Variants in CPA6 observed in about 807,000 individuals in gnomAD.
CPA6 encodes the protein carboxypeptidase B.
Under a neutral mutation model 63.3 loss-of-function variants are expected in CPA6, and 58 were observed. That is an observed-to-expected ratio of 0.92 (90% confidence interval 0.74 to 1.14). CPA6 has a LOEUF of 1.14. Among genes scored for constraint, CPA6 ranks in the 50% most tolerant of loss-of-function variants. The pLI is 0.00. For synonymous variants in CPA6, 185 were observed against 179.0 expected (o/e 1.03, Z -0.27); for missense variants, 565 against 526.6 (o/e 1.07, Z -0.71).
chr8:67,422,760 T>C (rs1176418340), intron 10 of CPA6, 69 bp from the exon 11 acceptor site: 8 of 1,123,028 alleles, frequency 7.1e-6, no homozygotes, highest in Admixed American at 2.5e-5. Context: ...TAAATGTATA[T>C]ACTATAAAGT....
chr8:67,604,010 G>A (rs1046500417), intron 2 of CPA6, among the ~76,000 whole-genome samples: 3 of 152,214 alleles, frequency 2.0e-5, no homozygotes, highest in Non-Finnish European at 2.9e-5. Context: ...TGATTGGAAA[G>A]GGTGAAATGA....
chr8:67,451,356 G>A (rs1426931873), intron 8 of CPA6, among the ~76,000 whole-genome samples: 2 of 152,166 alleles, frequency 1.3e-5, no homozygotes, highest in African/African-American at 2.4e-5. Flanking sequence ...TGTGAACTGC[G>A]CATGCAGGGG....
rs376110026 is a variant in CPA6, at chr8:67,606,924, AATTTT to A, written c.192+17247_192+17251del. 2.5e-3 allele frequency among the ~76,000 whole-genome samples: 385 copies of A among 152,186 alleles called. 1 individual carries two copies. Among genetic ancestry groups the A allele is most frequent in the African/African-American group, 8.5e-3 (352 of 41,512 alleles). On this transcript the variant is annotated intron_variant, in intron 2 of 10. Coordinates refer to ENST00000297770, the MANE Select transcript of CPA6 (RefSeq NM_020361.5). ...AGTTGTATAATGCTCTATCTTGCAA[AATTTT>A]ATTTTATTTTATATTTTGGTCAGGT...
At chr8:67,606,714 C>A (rs2128984196) in intron 2 of CPA6, among the ~76,000 whole-genome samples, 1 of 152,290 alleles carries the variant, frequency 6.6e-6, no homozygotes, top group East Asian at 1.9e-4. Flanking sequence ...CTTGGTTGGA[C>A]CCAGCATCTG....
chr8:67,510,144 A>C (rs1812013581), intron 4 of CPA6, among the ~76,000 whole-genome samples: 1 of 152,180 alleles, frequency 6.6e-6, no homozygotes, highest in African/African-American at 2.4e-5. Context: ...GCAAACTCTG[A>C]ATAATTTCTC....
intron 1 of CPA6, among the ~76,000 whole-genome samples, chr8:67,667,993 C>T (rs912293499): frequency 1.3e-5 from 2 of 152,162 alleles, no homozygotes; most frequent in South Asian, 2.1e-4. Flanking sequence ...ACAGGAGGCT[C>T]GTCAATATTT....
At chr8:67,589,534 A>G (rs1398102178) in intron 2 of CPA6, among the ~76,000 whole-genome samples, 1 of 152,196 alleles carries the variant, frequency 6.6e-6, no homozygotes. Context: ...GACCACTTCT[A>G]AACTTCAAAT....
At chr8:67,456,393 A>G (rs1348615449) in intron 8 of CPA6, among the ~76,000 whole-genome samples, 3 of 152,192 alleles carry the variant, frequency 2.0e-5, no homozygotes, top group Non-Finnish European at 4.4e-5. Flanking sequence ...TGAGTCCAAC[A>G]ATTTGCAAAG....
At chr8:67,506,023 C>T (rs140922247) in intron 6 of CPA6, among the ~76,000 whole-genome samples, 136 of 151,822 alleles carry the variant, frequency 9.0e-4, no homozygotes, top group African/African-American at 3.1e-3. Flanking sequence ...TTTGATGTTT[C>T]CCACCCCTCA....
intron 1 of CPA6, among the ~76,000 whole-genome samples, chr8:67,680,017 T>TA (rs1816559168): frequency 6.6e-6 from 1 of 152,222 alleles, no homozygotes; most frequent in Non-Finnish European, 1.5e-5. Flanking sequence ...AGCTTGGACT[T>TA]AAAGTTATTT....
At chr8:67,739,539 T>G (rs1247318088) in intron 1 of CPA6, among the ~76,000 whole-genome samples, 1 of 152,170 alleles carries the variant, frequency 6.6e-6, no homozygotes, top group Non-Finnish European at 1.5e-5. Flanking sequence ...AGCACATATT[T>G]CAACCTGTCA....
At chr8:67,619,481 C>T (rs1815031301) in intron 2 of CPA6, among the ~76,000 whole-genome samples, 1 of 152,108 alleles carries the variant, frequency 6.6e-6, no homozygotes, top group Non-Finnish European at 1.5e-5. Context: ...AGGCTTTAGG[C>T]AGAATTATAG....
At chr8:67,475,853 T>C (rs555844803) in intron 8 of CPA6, among the ~76,000 whole-genome samples, 25 of 98,522 alleles carry the variant, frequency 2.5e-4, no homozygotes, top group African/African-American at 8.9e-4. Flanking sequence ...CTTTCTTTCT[T>C]TCTTTCTTTC....
At chr8:67,632,371 C>T (rs921487509) in intron 1 of CPA6, among the ~76,000 whole-genome samples, 4 of 152,028 alleles carry the variant, frequency 2.6e-5, no homozygotes, top group African/African-American at 9.7e-5. Flanking sequence ...TGGGGTCTTA[C>T]TATGTTGCCC....
At chr8:67,466,250 G>T (rs1159893889) in intron 8 of CPA6, among the ~76,000 whole-genome samples, 1 of 152,026 alleles carries the variant, frequency 6.6e-6, no homozygotes, top group Non-Finnish European at 1.5e-5. Flanking sequence ...GTGCATAGAG[G>T]TGCTCATTAT....
At chr8:67,503,499 G>C (rs190757240) in intron 6 of CPA6, among the ~76,000 whole-genome samples, 83 of 146,826 alleles carry the variant, frequency 5.7e-4, no homozygotes, top group African/African-American at 2.0e-3. Context: ...GTAGAGACAG[G>C]GTCTCACTAT....
chr8:67,574,553 T>C (rs1044873356), intron 2 of CPA6, among the ~76,000 whole-genome samples: 1 of 152,142 alleles, frequency 6.6e-6, no homozygotes, highest in Non-Finnish European at 1.5e-5. Flanking sequence ...CATTGACCAA[T>C]GGAACAGAAC....
Position 67,624,063 on chromosome 8 carries a change from C to A in CPA6, c.192+113G>T, listed in dbSNP as rs576096819. ...AATAAAAGCTCTTTCAAGTTATCTC[C>A]TTAGCCTTTACTTTCTTGGCTAATA... On this transcript the variant is annotated intron_variant, in intron 2 of 10. Coordinates refer to ENST00000297770, the MANE Select transcript of CPA6 (RefSeq NM_020361.5). The A allele has an allele frequency of 1.2e-5, 8 of 657,890 alleles. No homozygotes were observed. In the South Asian group the frequency reaches 1.5e-4, roughly 12 times the overall value. 40.8% of individuals were successfully genotyped at this position (657,890 alleles called of 1,614,324 possible). A position where few individuals can be genotyped will look rare whatever the true frequency, so the allele number is the denominator to read the frequency against.
intron 2 of CPA6, 47 bp from the exon 3 acceptor site, chr8:67,518,094 G>GA (rs761198568): frequency 6.8e-7 from 1 of 1,480,720 alleles, no homozygotes; most frequent in Non-Finnish European, 9.0e-7. Context: ...CGTAGGGGGG[G>GA]AAAATCTGTG....
Sources: gnomAD v4.1 joint callset for allele counts (sites outside exome capture counted in the v4.1 genomes callset) on GRCh38, gnomAD v4.1.1 for gene constraint, MANE v1.5 for transcripts, NCBI Gene and HGNC (gene_info 2026-07-23, HGNC 2026-07-21) for gene names.